The following XDH variants were observed in gnomAD, a reference collection of about 807,000 sequenced individuals.
XDH encodes xanthine dehydrogenase/oxidase.
In XDH, 138 loss-of-function variants were observed where a neutral mutation model predicts 156.1. The ratio of observed to expected loss-of-function variants is 0.88; its 90% CI spans 0.77 to 1.02. The LOEUF (loss-of-function observed/expected upper bound fraction) is 1.02, where lower values mean the gene tolerates loss of function less well. Ranked by LOEUF, XDH falls within the 50% of genes least tolerant of loss-of-function variation. XDH has a pLI of 0.00. For synonymous variants in XDH, 669 were observed against 625.7 expected, an observed-to-expected ratio of 1.07 and a Z score of -1.03; for missense variants, 1,849 against 1,684.9, an observed-to-expected ratio of 1.10 and a Z score of -1.71.
rs1251894930 is a variant in XDH at position 31,414,645 on chromosome 2, A to C, written c.22T>G (p.Phe8Val). 1 of 1,613,994 alleles carries C rather than the reference A, an allele frequency of 6.2e-7. No homozygotes were observed. ...CTTACCTTTCTGCCATTCACAAAGA[A>C]AACCAATTTGTCTGCTGTCATTGTC... Reference protein sequence around the residue: MTADKLVFFVNGRKVVEK... With the variant: MTADKLVVFVNGRKVVEK... The change falls in exon 1 of 36, where the codon TTC (phenylalanine) becomes GTC (valine). Residue 8 changes from phenylalanine to valine, a missense_variant. Physicochemically the swap from Phe to Val is conservative, Grantham distance 50 (BLOSUM62 -1). Coordinates refer to ENST00000379416, the MANE Select transcript of XDH (RefSeq NM_000379.4).
chr2:31,389,049 A>C (rs1220408684), intron 6 of XDH, among the ~76,000 whole-genome samples: 1 of 152,204 alleles, frequency 6.6e-6, no homozygotes, highest in Non-Finnish European at 1.5e-5. Flanking sequence ...TCTGCAGCTC[A>C]GGGCTTCAGA....
chr2:31,353,242 A>T (rs1401648978), intron 24 of XDH, among the ~76,000 whole-genome samples: 1 of 152,140 alleles, frequency 6.6e-6, no homozygotes, highest in Non-Finnish European at 1.5e-5. Flanking sequence ...AGGAGTACGT[A>T]GCTCCCACTT....
chr2:31,353,630 G>A (rs1052017287), intron 24 of XDH, among the ~76,000 whole-genome samples: 53 of 152,084 alleles, frequency 3.5e-4, no homozygotes, highest in African/African-American at 1.2e-3. Context: ...AAATGCCAAT[G>A]ATGACAGAGA....
At chr2:31,387,020 GA>G (rs1686625983) in intron 8 of XDH, among the ~76,000 whole-genome samples, 3 of 146,776 alleles carry the variant, frequency 2.0e-5, no homozygotes, top group African/African-American at 5.0e-5. Flanking sequence ...AGGAAGGAAG[GA>G]AGGAAGGAAG....
At position 31,381,731 on chromosome 2, in the gene XDH, A is replaced by G. The variant is rs773189090; in HGVS notation, c.1039-5T>C. On this transcript the variant is annotated splice_polypyrimidine_tract_variant and splice_region_variant and intron_variant, in intron 11 of 35. Coordinates refer to ENST00000379416, the MANE Select transcript of XDH (RefSeq NM_000379.4). ...GATGATGTTCCCTCCAACGGACTAA[A>G]ACAAGCAGAGAGCATGCAGTGAGAG... 1 of 1,612,032 alleles carries G rather than the reference A, an allele frequency of 6.2e-7. No homozygotes were observed. The highest frequency in any genetic ancestry group is 8.5e-7 in the Non-Finnish European group (1 of 1,179,020).
Position 31,337,516 on chromosome 2 carries a change from T to C in XDH, c.3951+125A>G, listed in dbSNP as rs10188919. The C allele has an allele frequency of 2.2e-3, 3,125 of 1,396,798 alleles. 58 individuals carry two copies. In the African/African-American group the frequency reaches 0.038, roughly 17 times the overall value. The allele number at this position is 1,396,798 out of a possible 1,614,324, so 86.5% of individuals were successfully genotyped here. A position where few individuals can be genotyped will look rare whatever the true frequency, so the allele number is the denominator to read the frequency against. Reference sequence around the variant, plus strand: ...TACCATGCACAATGAAGGGTGGCCATTGATGCAAGGCTGCCCGGTTAGGAG... The same window carrying C: ...TACCATGCACAATGAAGGGTGGCCACTGATGCAAGGCTGCCCGGTTAGGAG... On this transcript the variant is annotated intron_variant, in intron 35 of 35. Coordinates refer to ENST00000379416, the MANE Select transcript of XDH (RefSeq NM_000379.4).
At chr2:31,358,299 C>A (rs1454142909) in intron 24 of XDH, among the ~76,000 whole-genome samples, 2 of 152,102 alleles carry the variant, frequency 1.3e-5, no homozygotes, top group African/African-American at 4.8e-5. Flanking sequence ...AAGAAGTCTC[C>A]AGGTCCAAAC....
Position 31,370,439 on chromosome 2 carries a change from A to C in XDH, c.1896T>G (p.Phe632Leu), listed in dbSNP as rs149593992. 378 of 1,614,092 alleles carry C rather than the reference A, an allele frequency of 2.3e-4. No homozygotes were observed. The highest frequency in any genetic ancestry group is 4.3e-4 in the Admixed American group (26 of 60,004). ...DTSEAKKVPG[F>L]VCFISADDVP... ...CATCATCAGCGGAAATGAAACAAAC[A>C]AACCCTGGAACCTTCTTAGCTTCTG... Residue 632 changes from phenylalanine to leucine, a missense_variant, in exon 18 of 36, where the codon TTT (phenylalanine) becomes TTG (leucine). Transcript: ENST00000379416.
rs766295777 is a variant in XDH, at chr2:31,336,020, T to C, written c.3952-12A>G. 21 of 1,614,190 alleles carry C rather than the reference T, an allele frequency of 1.3e-5. No homozygotes were observed. Among genetic ancestry groups the C allele is most frequent in the East Asian group, 2.2e-5 (1 of 44,880 alleles). On this transcript the variant is annotated splice_polypyrimidine_tract_variant and intron_variant, in intron 35 of 35. Coordinates refer to ENST00000379416, the MANE Select transcript of XDH (RefSeq NM_000379.4). ...ACACCAGTGACACACTAGGAAGGAA[T>C]GATAGTGTTCTCATTGCCAGGGTCT...
In XDH at chr2:31,400,734, T is replaced by TGAA. The variant is rs1262717103; in HGVS notation, c.306+483_306+485dup. On this transcript the variant is annotated intron_variant, in intron 4 of 35. Transcript: ENST00000379416. ...TAGCACTTGCTAACCTCCAGTCTAA[T>TGAA]GAAAGAGGAGGCCTAGCAGTTTACA... is the stretch of plus-strand genomic sequence containing the variant. Among the ~76,000 whole-genome samples, 5 of 152,354 alleles carry TGAA rather than the reference T, an allele frequency of 3.3e-5. No individual in the cohort carries two copies. The East Asian group carries it at 9.6e-4, about 29-fold the overall frequency.
chr2:31,357,291 T>A (rs1436578642), intron 24 of XDH, among the ~76,000 whole-genome samples: 11 of 151,282 alleles, frequency 7.3e-5, no homozygotes, highest in Admixed American at 7.2e-4. Flanking sequence ...ATAGAGAAAA[T>A]CAATGAAACA....
At chr2:31,338,468 C>T (rs1017837146) in intron 34 of XDH, among the ~76,000 whole-genome samples, 2 of 152,108 alleles carry the variant, frequency 1.3e-5, no homozygotes, top group African/African-American at 2.4e-5. Context: ...TCAGTAATTC[C>T]CAAGCATGGT....
chr2:31,381,661 A>C lies in XDH; in HGVS notation c.1104T>G (p.Ser368Arg), dbSNP rs764037871. Residue 368 changes from serine to arginine, a missense_variant, in exon 12 of 36, where the codon AGT becomes AGG. Transcript: ENST00000379416. ...ISDLNPVFMASGAKLTLVSRG... is the reference protein window; with the variant it reads ...ISDLNPVFMARGAKLTLVSRG... The stretch of plus-strand genomic sequence containing the variant: ...TGGACACAAGTGTCAGCTTGGCCCC[A>C]CTGGCCATGAACACGGGGTTGAGGT... 46 of 1,613,966 alleles carry C rather than the reference A, an allele frequency of 2.9e-5. No individual in the cohort carries two copies. Among genetic ancestry groups the C allele is most frequent in the Non-Finnish European group, 3.9e-5 (46 of 1,180,004 alleles).
At position 31,354,218 on chromosome 2, in the gene XDH, C is replaced by A. The variant is rs185735885; in HGVS notation, c.2632-3995G>T. Among the ~76,000 whole-genome samples the A allele has an allele frequency of 5.7e-3, 867 of 152,290 alleles. 8 individuals are homozygous for A. The highest frequency in any genetic ancestry group is 0.02 in the African/African-American group (840 of 41,550). ...GATCAAGATTTCTACCTCTACCTAG[C>A]AGTGATGAGGTGGCATCCACCACTG... On this transcript the variant is annotated intron_variant, in intron 24 of 35. Transcript: ENST00000379416.
chr2:31,345,417 T>C (rs1685253974), intron 30 of XDH, among the ~76,000 whole-genome samples: 2 of 152,234 alleles, frequency 1.3e-5, no homozygotes, highest in Admixed American at 1.3e-4. Flanking sequence ...GACTATATAA[T>C]GTGCTTTTTT....
rs1572504047 is a variant in XDH at position 31,335,639 on chromosome 2, C to T, written c.*319G>A. The T allele has an allele frequency of 2.2e-6, 1 of 454,376 alleles. No individual in the cohort carries two copies. Among genetic ancestry groups the T allele is most frequent in the East Asian group, 4.4e-5 (1 of 22,534 alleles). 28.1% of individuals were successfully genotyped at this position (454,376 alleles called of 1,614,324 possible). The stretch of plus-strand genomic sequence containing the variant: ...GACACCATCAGAACTTGAGGTTATA[C>T]AGGCTGTCCAGTAAGTGGGGAATAG... On this transcript the variant is annotated 3_prime_UTR_variant, in exon 36 of 36. Coordinates refer to ENST00000379416, the MANE Select transcript of XDH (RefSeq NM_000379.4).
intron 30 of XDH, among the ~76,000 whole-genome samples, 170 bp from the exon 31 acceptor site, chr2:31,344,906 G>A (rs1261678772): frequency 6.6e-6 from 1 of 152,066 alleles, no homozygotes; most frequent in African/African-American, 2.4e-5. Context: ...CCTGCACCAG[G>A]TCCTCATTAT....
At chr2:31,384,369 G>A (rs879446107) in intron 9 of XDH, 11 of 159,504 alleles carry the variant, frequency 6.9e-5, no homozygotes, top group Non-Finnish European at 1.2e-4. Flanking sequence ...ATGATTATTC[G>A]TGTTGGGGTA....
intron 8 of XDH, among the ~76,000 whole-genome samples, 199 bp downstream of exon 8, chr2:31,387,612 C>A (rs1330057424): frequency 6.6e-6 from 1 of 152,104 alleles, no homozygotes; most frequent in African/African-American, 2.4e-5. Flanking sequence ...CTGTGACACA[C>A]ATGAACTGAA....
Sources: allele counts gnomAD v4.1 joint callset (sites outside exome capture counted in the v4.1 genomes callset), GRCh38; gene constraint gnomAD v4.1.1; transcripts MANE v1.5; gene names NCBI Gene and HGNC (gene_info 2026-07-23, HGNC 2026-07-21).